The following TMEM260 variants were observed in gnomAD, a reference collection of about 807,000 sequenced individuals.
The protein encoded by TMEM260 is protein O-mannosyl-transferase TMEM260.
TMEM260 carries 82 observed loss-of-function variants against 88.9 expected under a neutral mutation model. That is an observed-to-expected ratio of 0.92 (90% CI 0.77 to 1.11). The LOEUF (loss-of-function observed/expected upper bound fraction) is 1.11, where lower values mean the gene tolerates loss of function less well. TMEM260 is among the 50% of genes least tolerant of loss of function. The probability of loss-of-function intolerance (pLI) is 0.00; values close to 1 mark genes in which losing one functional copy is unlikely to be tolerated. For synonymous variants in TMEM260, 314 were observed against 309.3 expected, an observed-to-expected ratio of 1.02 and a Z score of -0.16; for missense variants, 902 against 853.4, an observed-to-expected ratio of 1.06 and a Z score of -0.71.
At chr14:56,613,657 T>C (rs1887419264) in intron 7 of TMEM260, 1 of 152,030 alleles carries the variant, frequency 6.6e-6, no homozygotes, top group African/African-American at 2.4e-5. Context: ...ACGTAACCTT[T>C]TGATGGTTCT....
intron 6 of TMEM260, among the ~76,000 whole-genome samples, chr14:56,609,893 G>A (rs1027173847): frequency 1.3e-5 from 2 of 152,102 alleles, no homozygotes; most frequent in African/African-American, 2.4e-5. Context: ...ATGAAAGGAT[G>A]AGCAGAAGAT....
intron 15 of TMEM260, among the ~76,000 whole-genome samples, chr14:56,637,855 C>A (rs781310651): frequency 1.8e-4 from 27 of 152,188 alleles, no homozygotes; most frequent in Non-Finnish European, 2.8e-4. Context: ...AAGTCTTATC[C>A]CTGCTATCAA....
Position 56,625,525 on chromosome 14 carries a change from T to TAAAC in TMEM260, c.1544_1547dup (p.Lys517ThrfsTer12). On this transcript the variant is annotated frameshift_variant, in exon 12 of 16. Transcript: ENST00000261556. LOFTEE classifies it high-confidence loss of function. ...ATCTTTATCATTTTCTTGAAGTAAA[T>TAAAC]AAACAGTAAGCATTCTTTTTATATA... 6.3e-7 allele frequency: 1 copy of TAAAC among 1,588,670 alleles called. No individual in the cohort carries two copies. The highest frequency in any genetic ancestry group is 8.6e-7 in the Non-Finnish European group (1 of 1,162,048).
chr14:56,617,716 G>A (rs1887674770), intron 9 of TMEM260, among the ~76,000 whole-genome samples: 1 of 152,158 alleles, frequency 6.6e-6, no homozygotes, highest in Non-Finnish European at 1.5e-5. Context: ...TTCTTTGGCA[G>A]CAGTCTCTGA....
intron 15 of TMEM260, 52 bp from the exon 16 acceptor site, chr14:56,647,191 A>T: frequency 2.0e-6 from 3 of 1,535,902 alleles, no homozygotes; most frequent in Non-Finnish European, 2.6e-6. Context: ...TTTTTGAAAA[A>T]AAAAAAGTCA....
At chr14:56,592,230 G>A (rs2345150) in intron 3 of TMEM260, among the ~76,000 whole-genome samples, 17,092 of 152,092 alleles carry the variant, frequency 0.11, 1,508 homozygotes, top group African/African-American at 0.24. Flanking sequence ...GGACTTATTT[G>A]CAAATTCATT....
the TMEM260 span, among the ~76,000 whole-genome samples, chr14:56,656,982 AACCATGGCCC>A: frequency 2.6e-5 from 4 of 152,276 alleles, no homozygotes; most frequent in East Asian, 7.7e-4. Context: ...GGTTTCCCCA[AACCATGGCCC>A]ACCTGGAAGC....
rs1284504246 is a variant in TMEM260 at position 56,609,091 on chromosome 14, T to C, written c.637-15T>C. The C allele has an allele frequency of 1.9e-6, 3 of 1,612,814 alleles. No individual in the cohort carries two copies. The highest frequency in any genetic ancestry group is 2.5e-6 in the Non-Finnish European group (3 of 1,179,232). ...AAATAAACATTGTTATACCACCCAA[T>C]GTGCTCTGATGCAGGAACTCTCCCT... On this transcript the variant is annotated splice_polypyrimidine_tract_variant and intron_variant, in intron 5 of 15. Coordinates refer to ENST00000261556, the MANE Select transcript of TMEM260 (RefSeq NM_017799.4).
chr14:56,633,035 C>A lies in TMEM260; in HGVS notation c.1588C>A (p.Pro530Thr). 1 of 1,613,634 alleles carries A rather than the reference C, an allele frequency of 6.2e-7. No individual in the cohort carries two copies. The highest frequency in any genetic ancestry group is 8.5e-7 in the Non-Finnish European group (1 of 1,179,884). Reference protein sequence around the residue: ...FVCIGIHEGDPTWKKNYSLWP... With the variant: ...FVCIGIHEGDTTWKKNYSLWP... ...TTGCATAGGAATTCATGAAGGCGACCCAACCTGGAAAAAGAACTATTCACT... is the reference window on the plus strand; with the variant it reads ...TTGCATAGGAATTCATGAAGGCGACACAACCTGGAAAAAGAACTATTCACT... Residue 530 changes from proline to threonine, a missense_variant, in exon 13 of 16, where the codon CCA becomes ACA. Coordinates refer to ENST00000261556, the MANE Select transcript of TMEM260 (RefSeq NM_017799.4).
At chr14:56,619,868 C>T (rs1169163142) in intron 10 of TMEM260, among the ~76,000 whole-genome samples, 2 of 152,048 alleles carry the variant, frequency 1.3e-5, no homozygotes, top group African/African-American at 4.8e-5. Flanking sequence ...TTCACAATAA[C>T]AAAGACATGG....
In TMEM260 at chr14:56,615,961, T is replaced by C. The variant is rs751461288; in HGVS notation, c.875T>C (p.Met292Thr). 4 of 1,613,136 alleles carry C rather than the reference T, an allele frequency of 2.5e-6. No individual in the cohort carries two copies. In the South Asian group the frequency reaches 3.3e-5, roughly 13 times the overall value. ...SEILLSQVTN[M>T]RTELSFNIQA... ...TTTTGCAGTTCTCAAGTAACAAATA[T>C]GAGGACCGAACTCTCATTCAACATC... The change falls in exon 8 of 16, where the codon ATG (methionine) becomes ACG (threonine). Residue 292 changes from methionine (M) to threonine (T), a missense_variant. Transcript: ENST00000261556.
chr14:56,647,276 C>T lies in TMEM260; in HGVS notation c.1903C>T (p.His635Tyr), dbSNP rs751123025. The T allele has an allele frequency of 1.7e-5, 27 of 1,613,824 alleles. No homozygotes were observed. The highest frequency in any genetic ancestry group is 5.3e-5 in the African/African-American group (4 of 74,898). ...GGAGATTGTCTATTTACAAAAGGAG[C>T]ACCCAGTGAATTGGCACAAGAACTA... The part of the protein sequence containing the change: ...YKEIVYLQKE[H>Y]PVNWHKNYAI... Residue 635 changes from histidine to tyrosine, a missense_variant, in exon 16 of 16, where the codon CAC (histidine) becomes TAC (tyrosine). Coordinates refer to ENST00000261556, the MANE Select transcript of TMEM260 (RefSeq NM_017799.4).
Position 56,625,387 on chromosome 14 carries a change from G to C in TMEM260, c.1404G>C (p.Met468Ile). 6.2e-7 allele frequency: 1 copy of C among 1,611,780 alleles called. No individual in the cohort carries two copies. The change falls in exon 12 of 16, where the codon ATG becomes ATC. Residue 468 changes from methionine to isoleucine, a missense_variant. Coordinates refer to ENST00000261556, the MANE Select transcript of TMEM260 (RefSeq NM_017799.4). ...PDISLVDQEM[M>I]TYEWYLPKMA... ...ATGTGTGACTTTTCTGGCAGATGAT[G>C]ACTTACGAGTGGTATTTACCCAAGA...
chr14:56,623,044 C>T (rs963660457), intron 11 of TMEM260, among the ~76,000 whole-genome samples: 3 of 152,160 alleles, frequency 2.0e-5, no homozygotes, highest in African/African-American at 7.2e-5. Flanking sequence ...TAGACCTAAA[C>T]TCAAGTCCTC....
At position 56,625,402 on chromosome 14, in the gene TMEM260, T is replaced by TGAC; in HGVS notation, c.1419_1420insGAC (p.Tyr473_Leu474insAsp). On this transcript the variant is annotated inframe_insertion, in exon 12 of 16. Coordinates refer to ENST00000261556, the MANE Select transcript of TMEM260 (RefSeq NM_017799.4). ...GGCAGATGATGACTTACGAGTGGTA[T>TGAC]TTACCCAAGATGGCAAAGCACTTGC... 6.2e-7 allele frequency: 1 copy of TGAC among 1,613,670 alleles called. No individual in the cohort carries two copies. Among genetic ancestry groups the TGAC allele is most frequent in the Non-Finnish European group, 8.5e-7 (1 of 1,179,912 alleles).
intron 15 of TMEM260, among the ~76,000 whole-genome samples, chr14:56,639,756 G>A (rs1889424350): frequency 6.6e-6 from 1 of 152,200 alleles, no homozygotes; most frequent in Admixed American, 6.5e-5. Context: ...GTGACAGACA[G>A]CACCTGGAAA....
intron 2 of TMEM260, 30 bp from the exon 3 acceptor site, chr14:56,585,731 A>G: frequency 6.2e-7 from 1 of 1,601,020 alleles, no homozygotes; most frequent in Non-Finnish European, 8.5e-7. Flanking sequence ...CTAGATGAAA[A>G]CCTTCTAACT....
intron 6 of TMEM260, among the ~76,000 whole-genome samples, chr14:56,611,341 A>G (rs544332370): frequency 6.6e-6 from 1 of 152,198 alleles, no homozygotes; most frequent in Non-Finnish European, 1.5e-5. Context: ...TAAAAATTCA[A>G]TAAGACTCTG....
At chr14:56,599,775 G>T (rs993249812) in intron 3 of TMEM260, among the ~76,000 whole-genome samples, 3 of 152,122 alleles carry the variant, frequency 2.0e-5, no homozygotes, top group Admixed American at 2.0e-4. Flanking sequence ...TTTGGAAACA[G>T]AATCAATTAA....
Sources: allele counts gnomAD v4.1 joint callset (sites outside exome capture counted in the v4.1 genomes callset), GRCh38; gene constraint gnomAD v4.1.1; transcripts MANE v1.5; gene names NCBI Gene and HGNC (gene_info 2026-07-23, HGNC 2026-07-21).